Variants in ABCB1 observed in about 807,000 individuals in gnomAD.
The protein encoded by ABCB1 is ATP binding cassette subfamily B member 1.
In ABCB1, 69 loss-of-function variants were observed where a neutral mutation model predicts 142.0. The ratio of observed to expected loss-of-function variants is 0.49; its 90% CI spans 0.40 to 0.59. The LOEUF is 0.59. ABCB1 is among the 20% of genes least tolerant of loss of function. The probability of loss-of-function intolerance (pLI) is 0.00; values close to 1 mark genes in which losing one functional copy is unlikely to be tolerated. For missense variants in ABCB1, 1,326 were observed against 1,554.7 expected (o/e 0.85, Z 2.47); for synonymous variants, 532 against 539.2 (o/e 0.99, Z 0.18).
intron 1 of ABCB1, among the ~76,000 whole-genome samples, chr7:87,648,643 G>C (rs1024646503): frequency 6.6e-6 from 1 of 152,038 alleles, no homozygotes; most frequent in Admixed American, 6.6e-5. Flanking sequence ...TAAAACACTT[G>C]AATTCTCAGT....
chr7:87,562,763 GA>G (rs1256115733), intron 7 of ABCB1, among the ~76,000 whole-genome samples: 3,410 of 86,138 alleles, frequency 0.04, 85 homozygotes, highest in African/African-American at 0.09. Flanking sequence ...TCTGTGAAAA[GA>G]AAAAAAAAAA....
intron 26 of ABCB1, 134 bp downstream of exon 26, chr7:87,509,140 GC>G: frequency 2.3e-6 from 2 of 854,660 alleles, no homozygotes; most frequent in East Asian, 5.2e-5. Context: ...GTGGCCAGAT[GC>G]TTGTATACAG....
chr7:87,542,488 A>G (rs1008247680), intron 17 of ABCB1, among the ~76,000 whole-genome samples: 2 of 152,210 alleles, frequency 1.3e-5, no homozygotes, highest in African/African-American at 4.8e-5. Flanking sequence ...TGCAGAGCCC[A>G]CTATCTTCAA....
intron 1 of ABCB1, chr7:87,659,277 C>A: frequency 2.5e-6 from 1 of 402,788 alleles, no homozygotes; most frequent in South Asian, 1.9e-5. Flanking sequence ...GTTTGTTCCC[C>A]CTGTTCTTGG....
intron 4 of ABCB1, among the ~76,000 whole-genome samples, chr7:87,581,932 A>G (rs1258851313): frequency 1.3e-5 from 2 of 152,168 alleles, no homozygotes; most frequent in Non-Finnish European, 2.9e-5. Context: ...AGAATTTAGT[A>G]GGCTGGTTCT....
intron 1 of ABCB1, among the ~76,000 whole-genome samples, chr7:87,608,112 C>A (rs527660861): frequency 6.6e-6 from 1 of 152,234 alleles, no homozygotes; most frequent in Non-Finnish European, 1.5e-5. Context: ...CAAATTTTGC[C>A]TTTTACTGAT....
chr7:87,600,318 C>T lies in ABCB1; in HGVS notation c.-6-128G>A, dbSNP rs760397286. 3 of 762,510 alleles carry T rather than the reference C, an allele frequency of 3.9e-6. No individual in the cohort carries two copies. The East Asian group carries it at 8.0e-5, about 20-fold the overall frequency. The allele number at this position is 762,510 out of a possible 1,614,324, so 47.2% of individuals were successfully genotyped here. ...GGAGCGCCCGCCGTTGATGCCCCAGCTGCTCTGGCCGCGATGGGCACTGCA... is the reference window on the plus strand; with the variant it reads ...GGAGCGCCCGCCGTTGATGCCCCAGTTGCTCTGGCCGCGATGGGCACTGCA... On this transcript the variant is annotated intron_variant, in intron 1 of 27. Transcript: ENST00000622132.
intron 3 of ABCB1, among the ~76,000 whole-genome samples, chr7:87,587,994 A>G (rs1818835422): frequency 6.6e-6 from 1 of 152,050 alleles, no homozygotes; most frequent in African/African-American, 2.4e-5. Context: ...AAGTGTGGAA[A>G]CAGAAATAGC....
intron 24 of ABCB1, 60 bp downstream of exon 24, chr7:87,516,449 C>G (rs1225680364): frequency 3.1e-5 from 49 of 1,603,468 alleles, no homozygotes; most frequent in Non-Finnish European, 4.2e-5. Context: ...TAAGTTTCCA[C>G]TTAAAATACT....
At chr7:87,704,696 T>G (rs1264383413) in intron 1 of ABCB1, among the ~76,000 whole-genome samples, 2 of 152,212 alleles carry the variant, frequency 1.3e-5, no homozygotes, top group Non-Finnish European at 2.9e-5. Context: ...ATTTATATCT[T>G]TGTTTTGCTC....
Position 87,680,678 on chromosome 7 carries a change from C to T in ABCB1, c.-331+32483G>A, listed in dbSNP as rs963283964. Among the ~76,000 whole-genome samples, 29 of 150,266 alleles carry T rather than the reference C, an allele frequency of 1.9e-4. 3 individuals are homozygous for T. Among genetic ancestry groups the T allele is most frequent in the Admixed American group, 1.9e-3 (28 of 15,060 alleles). ...GCATGGTGGTGTGTGCCTGTAATCC[C>T]AGCTACTTAGGAGGCTGAAGGCAGG... On this transcript the variant is annotated intron_variant, in intron 1 of 28. Transcript: ENST00000265724.
intron 1 of ABCB1, among the ~76,000 whole-genome samples, chr7:87,652,060 A>G (rs547297398): frequency 6.6e-6 from 1 of 152,144 alleles, no homozygotes; most frequent in African/African-American, 2.4e-5. Context: ...GTATTTTGAG[A>G]TATTATTAGA....
intron 1 of ABCB1, chr7:87,700,523 A>T: frequency 1.9e-6 from 3 of 1,613,402 alleles, no homozygotes; most frequent in Non-Finnish European, 2.5e-6. Flanking sequence ...AGCATTGAAA[A>T]TATGGAAAAT....
intron 22 of ABCB1, 30 bp from the exon 23 acceptor site, chr7:87,519,496 C>T: frequency 1.2e-6 from 2 of 1,613,244 alleles, no homozygotes; most frequent in Non-Finnish European, 8.5e-7. Flanking sequence ...AAACTCATTC[C>T]ACTTTCATTT....
intron 1 of ABCB1, among the ~76,000 whole-genome samples, chr7:87,614,439 GAGAA>G (rs1032229452): frequency 2.0e-5 from 3 of 151,630 alleles, no homozygotes; most frequent in African/African-American, 7.3e-5. Context: ...AAGAGAGAAA[GAGAA>G]AGAAAGAGAG....
At chr7:87,610,558 T>A (rs975119511) in intron 1 of ABCB1, among the ~76,000 whole-genome samples, 2 of 152,082 alleles carry the variant, frequency 1.3e-5, no homozygotes, top group Non-Finnish European at 2.9e-5. Context: ...CTGTTCTTTT[T>A]GTTTTACTCG....
At position 87,515,260 on chromosome 7, in the gene ABCB1, G is replaced by A. The variant is rs199943026; in HGVS notation, c.3253C>T (p.Arg1085Trp). ...GKSTVVQLLE[R>W]FYDPLAGKVL... ...TTCCCTGCCAAGGGGTCGTAGAACCGCTCCAGGAGCTGGACCACTGTGCTC... is the reference window on the plus strand; with the variant it reads ...TTCCCTGCCAAGGGGTCGTAGAACCACTCCAGGAGCTGGACCACTGTGCTC... Residue 1085 changes from arginine to tryptophan, a missense_variant, in exon 25 of 28, where the codon CGG becomes TGG. Arg to Trp is a moderately radical substitution (Grantham distance 101). Transcript: ENST00000622132. 6.2e-7 allele frequency: 1 copy of A among 1,613,998 alleles called. No individual in the cohort carries two copies. Among genetic ancestry groups the A allele is most frequent in the Non-Finnish European group, 8.5e-7 (1 of 1,180,020 alleles).
intron 4 of ABCB1, among the ~76,000 whole-genome samples, chr7:87,581,075 TG>T (rs1315678901): frequency 6.6e-6 from 1 of 152,084 alleles, no homozygotes; most frequent in African/African-American, 2.4e-5. Context: ...TGGAGGCTTT[TG>T]TTTGGCTATC....
chr7:87,553,151 G>A lies in ABCB1; in HGVS notation c.999+610C>T, dbSNP rs183984435. On this transcript the variant is annotated intron_variant, in intron 9 of 27. Transcript: ENST00000622132. ...TCAGAAAATAAAAGTGAAGTGTTTA[G>A]CAACAAGTTTGGCACAAATAATCTC... Among the ~76,000 whole-genome samples the A allele has an allele frequency of 2.4e-3, 367 of 152,174 alleles. 13 individuals are homozygous for A. Among genetic ancestry groups the A allele is most frequent in the Admixed American group, 0.022 (339 of 15,282 alleles).
Sources: gnomAD v4.1 joint callset for allele counts (sites outside exome capture counted in the v4.1 genomes callset) on GRCh38, gnomAD v4.1.1 for gene constraint, MANE v1.5 for transcripts, NCBI Gene and HGNC (gene_info 2026-07-23, HGNC 2026-07-21) for gene names.